RNGTT: variants seen among roughly 807,000 people sequenced by gnomAD.
RNGTT encodes the protein RNA guanylyltransferase and 5'-phosphatase, also known as mRNA-capping enzyme.
Under a neutral mutation model 79.3 loss-of-function variants are expected in RNGTT, and 33 were observed. The observed-to-expected ratio is 0.42, with a 90% confidence interval of 0.32 to 0.56. The LOEUF (loss-of-function observed/expected upper bound fraction) is 0.56, where lower values mean the gene tolerates loss of function less well. RNGTT is among the 20% of genes least tolerant of loss of function. The probability of loss-of-function intolerance (pLI) is 0.17; values close to 1 mark genes in which losing one functional copy is unlikely to be tolerated. For missense variants in RNGTT, 497 were observed against 739.1 expected, an observed-to-expected ratio of 0.67 and a Z score of 3.80; for synonymous variants, 222 against 235.9, an observed-to-expected ratio of 0.94 and a Z score of 0.54.
chr6:88,862,544 C>A (rs769927514), intron 8 of RNGTT, among the ~76,000 whole-genome samples: 2 of 152,164 alleles, frequency 1.3e-5, no homozygotes, highest in African/African-American at 4.8e-5. Context: ...ACGTAAGTTT[C>A]CCTGAATTCT....
intron 14 of RNGTT, among the ~76,000 whole-genome samples, chr6:88,640,561 G>GA (rs1554200146): frequency 6.2e-5 from 7 of 112,018 alleles, no homozygotes; most frequent in African/African-American, 2.9e-4. Flanking sequence ...AAAAAAAAAA[G>GA]AAAAGAAAAA....
At chr6:88,763,914 C>T (rs1778356232) in intron 13 of RNGTT, among the ~76,000 whole-genome samples, 1 of 152,186 alleles carries the variant, frequency 6.6e-6, no homozygotes, top group Non-Finnish European at 1.5e-5. Flanking sequence ...GTTAGGCTAC[C>T]ATTTTTAAGT....
At position 88,891,811 on chromosome 6, in the gene RNGTT, C is replaced by T; in HGVS notation, c.789G>A (p.Trp263Ter). The T allele has an allele frequency of 1.3e-6, 2 of 1,555,410 alleles. No homozygotes were observed. The highest frequency in any genetic ancestry group is 2.0e-5 in the Admixed American group (1 of 50,166). Reference protein sequence around the residue: ...VQQKCHQFCGWEGSGFPGAQP... With the variant: ...VQQKCHQFCG ...AATTTAAAAATATTTATTACCCTTC[C>T]CAGCCACAGAATTGATGACACTTCT... is the stretch of plus-strand genomic sequence containing the variant. The change falls in exon 7 of 16, where the codon TGG becomes TGA. Residue 263 changes from tryptophan (W) to a stop codon, truncating the protein, a stop_gained. Coordinates refer to ENST00000369485, the MANE Select transcript of RNGTT (RefSeq NM_003800.5). LOFTEE classifies it high-confidence loss of function.
At position 88,647,701 on chromosome 6, in the gene RNGTT, T is replaced by TAAAAAAAAAAAAAA. The variant is rs746472579; in HGVS notation, c.1506+30638_1506+30651dup. Among the ~76,000 whole-genome samples, 161 of 100,806 alleles carry TAAAAAAAAAAAAAA rather than the reference T, an allele frequency of 1.6e-3. 1 individual carries two copies. Among genetic ancestry groups the TAAAAAAAAAAAAAA allele is most frequent in the Non-Finnish European group, 2.5e-3 (138 of 55,260 alleles). The allele number at this position is 100,806 out of a possible 152,430, so 66.1% of individuals were successfully genotyped here. A position where few individuals can be genotyped will look rare whatever the true frequency, so the allele number is the denominator to read the frequency against. ...CTGGGTGACAGAACCGACACCCTGT[T>TAAAAAAAAAAAAAA]AAAAAAAAAAAAAAAAGAAGAAGAA... is the stretch of plus-strand genomic sequence containing the variant. On this transcript the variant is annotated intron_variant, in intron 14 of 15. Coordinates refer to ENST00000369485, the MANE Select transcript of RNGTT (RefSeq NM_003800.5).
chr6:88,942,555 G>T (rs1371813057), intron 1 of RNGTT, among the ~76,000 whole-genome samples: 1 of 151,964 alleles, frequency 6.6e-6, no homozygotes, highest in Non-Finnish European at 1.5e-5. Flanking sequence ...GTTTTTTGTA[G>T]GGATGAGGTT....
chr6:88,628,361 T>G (rs991038449), intron 14 of RNGTT, among the ~76,000 whole-genome samples: 1 of 152,094 alleles, frequency 6.6e-6, no homozygotes, highest in Non-Finnish European at 1.5e-5. Context: ...AGCAGGAAAC[T>G]TTAAAATCAT....
chr6:88,778,500 G>C (rs949967355), intron 12 of RNGTT, among the ~76,000 whole-genome samples: 12 of 152,066 alleles, frequency 7.9e-5, no homozygotes, highest in Admixed American at 5.9e-4. Flanking sequence ...TTTAAAATTA[G>C]ATATGGAGTC....
At chr6:88,737,257 T>C (rs943127936) in intron 13 of RNGTT, among the ~76,000 whole-genome samples, 2 of 152,196 alleles carry the variant, frequency 1.3e-5, no homozygotes, top group South Asian at 4.1e-4. Context: ...ATCCTATGCC[T>C]GTCCCACCAC....
At chr6:88,644,620 T>G (rs9353583) in intron 14 of RNGTT, among the ~76,000 whole-genome samples, 11 of 151,560 alleles carry the variant, frequency 7.3e-5, no homozygotes, top group African/African-American at 2.4e-4. Flanking sequence ...ACTGGCAAAC[T>G]GAATCCAGCA....
rs1024914544 is a variant in RNGTT at position 88,846,268 on chromosome 6, C to T, written c.1105-1747G>A. 8.5e-5 allele frequency among the ~76,000 whole-genome samples: 13 copies of T among 152,188 alleles called. No homozygotes were observed. In the South Asian group the frequency reaches 2.1e-3, roughly 24 times the overall value. ...TTCTTACTCCCTTCAAAACACTATCCATGCTGCCACTAGTTATCTTTCAAA... is the reference window on the plus strand; with the variant it reads ...TTCTTACTCCCTTCAAAACACTATCTATGCTGCCACTAGTTATCTTTCAAA... On this transcript the variant is annotated intron_variant, in intron 10 of 15. Coordinates refer to ENST00000369485, the MANE Select transcript of RNGTT (RefSeq NM_003800.5).
At position 88,679,492 on chromosome 6, in the gene RNGTT, G is replaced by A. The variant is rs559364387; in HGVS notation, c.1440-1073C>T. On this transcript the variant is annotated intron_variant, in intron 13 of 15. Transcript: ENST00000369485. ...AAATGGCATATATTTTATTTTGCACGCAATATGGAGTCATATTAAAAGATG... is the reference window on the plus strand; with the variant it reads ...AAATGGCATATATTTTATTTTGCACACAATATGGAGTCATATTAAAAGATG... Among the ~76,000 whole-genome samples the A allele has an allele frequency of 1.1e-4, 17 of 152,218 alleles. No homozygotes were observed. The East Asian group carries it at 1.2e-3, about 10-fold the overall frequency.
Position 88,696,601 on chromosome 6 carries a change from TACACAC to T in RNGTT, c.1440-18188_1440-18183del, listed in dbSNP as rs67058652. On this transcript the variant is annotated intron_variant, in intron 13 of 15. Transcript: ENST00000369485. ...TGCAGGATGAACAGAAATCCTGAAG[TACACAC>T]ACACACACACACACACACACACACA... 7.1e-3 allele frequency among the ~76,000 whole-genome samples: 1,055 copies of T among 147,584 alleles called. 10 individuals carry two copies. Among genetic ancestry groups the T allele is most frequent in the African/African-American group, 0.024 (948 of 40,062 alleles).
At chr6:88,703,087 C>A (rs74548934) in intron 13 of RNGTT, among the ~76,000 whole-genome samples, 11,462 of 152,218 alleles carry the variant, frequency 0.075, 573 homozygotes, top group Middle Eastern at 0.19. Context: ...AAAGGAAATG[C>A]TTCTACACTT....
chr6:88,853,791 T>C (rs1562286587), intron 8 of RNGTT, 27 bp from the exon 9 acceptor site: 2 of 1,414,092 alleles, frequency 1.4e-6, no homozygotes, highest in Non-Finnish European at 1.9e-6. Context: ...AAAAAGCTAA[T>C]ATTTACAGTA....
At chr6:88,654,037 C>A (rs1386320502) in intron 14 of RNGTT, among the ~76,000 whole-genome samples, 1 of 152,206 alleles carries the variant, frequency 6.6e-6, no homozygotes, top group African/African-American at 2.4e-5. Context: ...TTATCTACAA[C>A]TACTGTATGA....
chr6:88,685,114 T>C (rs907627029), intron 13 of RNGTT, among the ~76,000 whole-genome samples: 1 of 152,140 alleles, frequency 6.6e-6, no homozygotes, highest in Non-Finnish European at 1.5e-5. Flanking sequence ...GCAAGATCAG[T>C]GATTGCCAGG....
intron 13 of RNGTT, among the ~76,000 whole-genome samples, chr6:88,749,229 C>T (rs9362551): frequency 0.14 from 21,161 of 151,966 alleles, 1,607 homozygotes; most frequent in Middle Eastern, 0.24. Context: ...AAGGAACACA[C>T]AGCAAAAGAA....
chr6:88,789,191 G>A (rs913990917), intron 12 of RNGTT, among the ~76,000 whole-genome samples: 6 of 152,030 alleles, frequency 3.9e-5, no homozygotes, highest in Non-Finnish European at 8.8e-5. Context: ...AGGCTGAGGC[G>A]GGTGGATCAC....
In RNGTT at chr6:88,737,246, T is replaced by C. The variant is rs183105639; in HGVS notation, c.1439+32528A>G. ...TTCTCCTTCTTAGAATGGGAATGTT[T>C]ATCCTATGCCTGTCCCACCACCATA... On this transcript the variant is annotated intron_variant, in intron 13 of 15. Transcript: ENST00000369485. Among the ~76,000 whole-genome samples the C allele has an allele frequency of 3.9e-3, 591 of 152,338 alleles. 4 individuals are homozygous for C. Among genetic ancestry groups the C allele is most frequent in the Admixed American group, 0.014 (210 of 15,298 alleles).
Sources: allele counts gnomAD v4.1 joint callset (sites outside exome capture counted in the v4.1 genomes callset), GRCh38; gene constraint gnomAD v4.1.1; transcripts MANE v1.5; gene names NCBI Gene and HGNC (gene_info 2026-07-23, HGNC 2026-07-21).